Variants in TAOK3 observed in about 807,000 individuals in gnomAD.
TAOK3 encodes the protein serine/threonine-protein kinase TAO3.
In TAOK3, 40 loss-of-function variants were observed where a neutral mutation model predicts 120.4. The observed-to-expected ratio is 0.33, with a 90% CI of 0.26 to 0.43. The LOEUF (loss-of-function observed/expected upper bound fraction) is 0.43, where lower values mean the gene tolerates loss of function less well. Ranked by LOEUF, TAOK3 falls within the 20% of genes least tolerant of loss-of-function variation. TAOK3 has a pLI of 1.00. For synonymous variants in TAOK3, 355 were observed against 387.5 expected (o/e 0.92, Z 0.99); for missense variants, 821 against 1,112.1 (o/e 0.74, Z 3.72).
At chr12:118,177,979 C>T (rs537743191) in intron 15 of TAOK3, among the ~76,000 whole-genome samples, 2 of 152,118 alleles carry the variant, frequency 1.3e-5, no homozygotes, top group South Asian at 4.2e-4. Context: ...TGAGGTCTCG[C>T]TCTGTCGCTC....
chr12:118,177,582 G>T (rs1461961134), intron 15 of TAOK3, among the ~76,000 whole-genome samples: 1 of 151,856 alleles, frequency 6.6e-6, no homozygotes, highest in South Asian at 2.1e-4. Context: ...CCAGCACTTT[G>T]GGAGTTCGAG....
chr12:118,254,309 T>C lies in TAOK3; in HGVS notation c.120+1139A>G, dbSNP rs1004136651. Among the ~76,000 whole-genome samples the C allele has an allele frequency of 2.1e-5, 3 of 143,652 alleles. No homozygotes were observed. The Admixed American group carries it at 2.1e-4, about 10-fold the overall frequency. The allele number at this position is 143,652 out of a possible 152,430, so 94.2% of individuals were successfully genotyped here. On this transcript the variant is annotated intron_variant, in intron 3 of 20. Coordinates refer to ENST00000392533, the MANE Select transcript of TAOK3 (RefSeq NM_016281.4). ...CATCTGTTTATCTGTCTATCCACCA[T>C]CCATCCATCCATCCATCCATCCATC...
At chr12:118,214,158 G>A in intron 9 of TAOK3, 48 bp from the exon 10 acceptor site, 1 of 1,449,034 alleles carries the variant, frequency 6.9e-7, no homozygotes, top group Non-Finnish European at 9.5e-7. Context: ...AGGAAACCAG[G>A]CAGACAGAGA....
chr12:118,238,102 G>A lies in TAOK3; in HGVS notation c.408C>T (p.Ala136=). ...AITHGALHGL[A]YLHSHALIHR... ...GAATCAATGCATGAGAATGTAGGTA[G>A]GCTAGTCCATGCAAGGCTCCATGAG... The change falls in exon 7 of 21, where the codon GCC becomes GCT. Residue 136 remains alanine, a synonymous_variant. Transcript: ENST00000392533. 1 of 1,611,156 alleles carries A rather than the reference G, an allele frequency of 6.2e-7. No individual in the cohort carries two copies. The highest frequency in any genetic ancestry group is 8.5e-7 in the Non-Finnish European group (1 of 1,177,806).
intron 15 of TAOK3, 86 bp from the exon 16 acceptor site, chr12:118,177,415 T>G (rs1473567532): frequency 2.0e-6 from 2 of 1,018,350 alleles, no homozygotes; most frequent in Non-Finnish European, 2.8e-6. Flanking sequence ...AGTAAGACAG[T>G]CCATGAGTGC....
At chr12:118,309,168 C>A (rs1252640845) in intron 1 of TAOK3, among the ~76,000 whole-genome samples, 2 of 149,904 alleles carry the variant, frequency 1.3e-5, no homozygotes, top group Non-Finnish European at 3.0e-5. Context: ...ATCTCTACTA[C>A]AAATACAAAA....
intron 1 of TAOK3, among the ~76,000 whole-genome samples, chr12:118,277,259 T>C (rs2041935140): frequency 6.6e-6 from 1 of 152,234 alleles, no homozygotes; most frequent in African/African-American, 2.4e-5. Context: ...TTGTATAACC[T>C]GGCTTGATAT....
intron 20 of TAOK3, 21 bp downstream of exon 20, chr12:118,152,205 AC>A (rs1455168871): frequency 3.7e-6 from 6 of 1,600,794 alleles, no homozygotes; most frequent in Non-Finnish European, 5.1e-6. Context: ...GTGGCACCGG[AC>A]CCCTGGTAAT....
Position 118,214,075 on chromosome 12 carries a change from T to C in TAOK3, c.679A>G (p.Met227Val). The C allele has an allele frequency of 1.2e-6, 2 of 1,610,150 alleles. No homozygotes were observed. Among genetic ancestry groups the C allele is most frequent in the Non-Finnish European group, 1.7e-6 (2 of 1,178,888 alleles). Reference sequence around the variant, plus strand: ...TGGGCAATGTGATATAAGGCACTCATTGCATTCATGTTGAAAAGGGGCGGC... The same window carrying C: ...TGGGCAATGTGATATAAGGCACTCACTGCATTCATGTTGAAAAGGGGCGGC... Reference protein sequence around the residue: ...RKPPLFNMNAMSALYHIAQND... With the variant: ...RKPPLFNMNAVSALYHIAQND... The change falls in exon 10 of 21, where the codon ATG (methionine) becomes GTG (valine). Residue 227 changes from methionine (M) to valine (V), a missense_variant. Met to Val is a conservative substitution (Grantham distance 21). This residue lies in a region of TAOK3 where 467 missense variants were observed against 540.0 expected (regional missense o/e 0.86). Transcript: ENST00000392533.
intron 1 of TAOK3, among the ~76,000 whole-genome samples, chr12:118,353,236 C>T (rs1593669296): frequency 2.0e-5 from 3 of 152,012 alleles, no homozygotes; most frequent in African/African-American, 7.2e-5. Context: ...CGAGAATTTG[C>T]AGGAAAATAG....
intron 1 of TAOK3, among the ~76,000 whole-genome samples, chr12:118,357,794 T>A (rs914987033): frequency 6.6e-6 from 1 of 152,206 alleles, no homozygotes; most frequent in African/African-American, 2.4e-5. Context: ...GAAATTAACA[T>A]AATTTGTACT....
intron 14 of TAOK3, among the ~76,000 whole-genome samples, chr12:118,189,434 T>C (rs1216481106): frequency 6.6e-6 from 1 of 151,936 alleles, no homozygotes; most frequent in Non-Finnish European, 1.5e-5. Context: ...TTTATTTCAA[T>C]GAAAAGACAA....
rs746069676 is a variant in TAOK3 at position 118,243,408 on chromosome 12, G to A, written c.294+7C>T. 1.3e-5 allele frequency: 19 copies of A among 1,502,880 alleles called. No homozygotes were observed. The highest frequency in any genetic ancestry group is 1.2e-4 in the East Asian group (5 of 42,118). The allele number at this position is 1,502,880 out of a possible 1,614,324, so 93.1% of individuals were successfully genotyped here. On this transcript the variant is annotated splice_region_variant and intron_variant, in intron 5 of 20. Coordinates refer to ENST00000392533, the MANE Select transcript of TAOK3 (RefSeq NM_016281.4). ...TAGTAAAAGATAATAGAGGTCCTTC[G>A]ACTTACCCAAGCAGTGTGTTCTTTC...
At chr12:118,346,416 C>CAG (rs1274226585) in intron 1 of TAOK3, among the ~76,000 whole-genome samples, 1 of 152,202 alleles carries the variant, frequency 6.6e-6, no homozygotes, top group Non-Finnish European at 1.5e-5. Flanking sequence ...AATAATTGTA[C>CAG]AGTGTGCCTG....
intron 1 of TAOK3, among the ~76,000 whole-genome samples, chr12:118,349,087 T>A (rs751620085): frequency 2.0e-5 from 3 of 152,056 alleles, no homozygotes; most frequent in Non-Finnish European, 4.4e-5. Flanking sequence ...AGTTGGGGTT[T>A]CACCATGTTG....
At chr12:118,246,362 C>T in intron 3 of TAOK3, 1 of 1,602,402 alleles carries the variant, frequency 6.2e-7, no homozygotes, top group Non-Finnish European at 8.5e-7. Flanking sequence ...AATCAGAGAT[C>T]ATTGATTTCT....
intron 1 of TAOK3, chr12:118,359,837 G>A (rs1807842359): frequency 6.6e-6 from 1 of 152,074 alleles, no homozygotes; most frequent in Non-Finnish European, 1.5e-5. Context: ...GGAACTATTC[G>A]AACAGAACTA....
At chr12:118,276,558 C>G (rs2140366357) in intron 1 of TAOK3, among the ~76,000 whole-genome samples, 1 of 151,924 alleles carries the variant, frequency 6.6e-6, no homozygotes, top group South Asian at 2.1e-4. Flanking sequence ...AAAAAATAGC[C>G]AGGTGTGGTG....
intron 1 of TAOK3, among the ~76,000 whole-genome samples, chr12:118,332,222 CA>C (rs2044182256): frequency 1.3e-5 from 2 of 152,140 alleles, no homozygotes; most frequent in African/African-American, 4.8e-5. Context: ...TTAAGAAAGA[CA>C]GATAGTCTTT....
Sources: gnomAD v4.1 joint callset for allele counts (sites outside exome capture counted in the v4.1 genomes callset) on GRCh38, gnomAD v4.1.1 for gene constraint, gnomAD v4.1.1 regional missense constraint, MANE v1.5 for transcripts, NCBI Gene and HGNC (gene_info 2026-07-23, HGNC 2026-07-21) for gene names.